Variants in TRIM75 observed in about 807,000 individuals in gnomAD.
TRIM75 encodes tripartite motif containing 75.
At chr4:165,059,545 T>C in the TRIM75 span, 11 of 780,772 alleles carry the variant, frequency 1.4e-5, no homozygotes, top group South Asian at 9.4e-5. Context: ...GTGAGGCCCA[T>C]AGAGAAAGCT....
the TRIM75 span, among the ~76,000 whole-genome samples, chr4:165,054,354 G>A: frequency 0.29 from 42,514 of 145,924 alleles, 6,934 homozygotes; most frequent in East Asian, 0.61. Flanking sequence ...TGCAACCTCC[G>A]CCTCCCAGGT....
the TRIM75 span, among the ~76,000 whole-genome samples, chr4:165,055,151 T>C: frequency 6.6e-6 from 1 of 151,804 alleles, no homozygotes; most frequent in East Asian, 1.9e-4. Context: ...AAAAAATTTT[T>C]TTTTGTAGAA....
the TRIM75 span, among the ~76,000 whole-genome samples, chr4:165,056,298 T>C: frequency 7.6e-4 from 25 of 32,888 alleles, no homozygotes; most frequent in African/African-American, 6.2e-3. Context: ...ATAAAAATGA[T>C]TTTTTTTTTT....
chr4:165,054,976 C>T, the TRIM75 span, among the ~76,000 whole-genome samples: 4 of 152,080 alleles, frequency 2.6e-5, no homozygotes, highest in East Asian at 7.8e-4. Context: ...AGCCCTGATC[C>T]GAGGCCCTGA....
chr4:165,055,864 C>T, the TRIM75 span, among the ~76,000 whole-genome samples: 15 of 151,158 alleles, frequency 9.9e-5, no homozygotes, highest in African/African-American at 3.6e-4. Flanking sequence ...AGGTGGATCA[C>T]GTGAGCCCAA....
At chr4:165,059,857 T>C in the TRIM75 span, 2 of 780,772 alleles carry the variant, frequency 2.6e-6, no homozygotes, top group East Asian at 2.4e-5. Context: ...TTAAGTAAGG[T>C]AGTAGAGCTC....
At chr4:165,058,628 T>C in the TRIM75 span, among the ~76,000 whole-genome samples, 25 of 152,086 alleles carry the variant, frequency 1.6e-4, no homozygotes, top group Admixed American at 1.6e-3. Context: ...TGGTTCCAAC[T>C]ATGTGGAATA....
the TRIM75 span, among the ~76,000 whole-genome samples, chr4:165,054,684 A>G: frequency 2.1e-3 from 326 of 152,196 alleles, 2 homozygotes; most frequent in Non-Finnish European, 3.6e-3. Flanking sequence ...GCAGGCATGA[A>G]CTACCGCGCC....
chr4:165,055,987 C>T, the TRIM75 span, among the ~76,000 whole-genome samples: 2 of 147,754 alleles, frequency 1.4e-5, no homozygotes, highest in Non-Finnish European at 3.0e-5. Context: ...GCGATCTCAG[C>T]TCACTGCAAC....
the TRIM75 span, among the ~76,000 whole-genome samples, chr4:165,058,354 AT>A: frequency 6.6e-6 from 1 of 151,072 alleles, no homozygotes. Context: ...TTATTTTTTT[AT>A]TTTTTTATTT....
At chr4:165,056,440 A>C in the TRIM75 span, among the ~76,000 whole-genome samples, 1 of 151,792 alleles carries the variant, frequency 6.6e-6, no homozygotes, top group Non-Finnish European at 1.5e-5. Flanking sequence ...GTAATTTCTG[A>C]TGCCATGGAC....
chr4:165,054,199 TCTC>T, the TRIM75 span, among the ~76,000 whole-genome samples: 125 of 151,978 alleles, frequency 8.2e-4, no homozygotes, highest in Non-Finnish European at 1.4e-3. Flanking sequence ...GTCAAGCAAT[TCTC>T]CTGCCTGTGC....
chr4:165,055,333 G>A, the TRIM75 span, among the ~76,000 whole-genome samples: 2 of 146,984 alleles, frequency 1.4e-5, no homozygotes, highest in Non-Finnish European at 3.0e-5. Context: ...TGCCCAGGCT[G>A]GAGTGCAGTG....
chr4:165,059,490 T>A, the TRIM75 span: 31 of 780,792 alleles, frequency 4.0e-5, no homozygotes, highest in Non-Finnish European at 6.2e-5. Flanking sequence ...CCTGATGGTG[T>A]TGTGTCCGCT....
At chr4:165,055,544 A>C in the TRIM75 span, among the ~76,000 whole-genome samples, 1 of 152,020 alleles carries the variant, frequency 6.6e-6, no homozygotes, top group South Asian at 2.1e-4. Context: ...TGGCCTCCCA[A>C]AGTGCTGGGA....
chr4:165,060,124 C>G, the TRIM75 span: 17 of 780,780 alleles, frequency 2.2e-5, no homozygotes, highest in Admixed American at 8.5e-5. Flanking sequence ...CAAAAGGTTC[C>G]TGGTTTCCCA....
At chr4:165,057,263 A>C in the TRIM75 span, among the ~76,000 whole-genome samples, 2 of 152,216 alleles carry the variant, frequency 1.3e-5, no homozygotes, top group African/African-American at 4.8e-5. Context: ...TAATCCTCGC[A>C]TTTTGGGAGG....
chr4:165,054,266 ATTTTTTTTT>A, the TRIM75 span, among the ~76,000 whole-genome samples: 1 of 96,878 alleles, frequency 1.0e-5, no homozygotes, highest in African/African-American at 3.8e-5. Context: ...TAATTTGTGT[ATTTTTTTTT>A]TTTTTTTTTT....
the TRIM75 span, among the ~76,000 whole-genome samples, chr4:165,055,595 T>G: frequency 7.8e-5 from 10 of 128,374 alleles, no homozygotes; most frequent in Non-Finnish European, 1.9e-4. Context: ...AACTACATTT[T>G]ACAAAGGAGA....
Sources: gnomAD v4.1 joint callset for allele counts (sites outside exome capture counted in the v4.1 genomes callset) on GRCh38, gnomAD v4.1.1 for gene constraint, MANE v1.5 for transcripts, NCBI Gene and HGNC (gene_info 2026-07-23, HGNC 2026-07-21) for gene names.